The following MARCHF1 variants were observed in gnomAD, a reference collection of about 807,000 sequenced individuals.
The protein encoded by MARCHF1 is membrane associated ring-CH-type finger 1, also known as E3 ubiquitin-protein ligase MARCHF1.
A neutral mutation model predicts 54.2 loss-of-function variants in MARCHF1; 40 were observed. The observed-to-expected ratio is 0.74, with a 90% CI of 0.57 to 0.96. The LOEUF (loss-of-function observed/expected upper bound fraction) is 0.96. MARCHF1 is among the 40% of genes least tolerant of loss of function. The pLI is 0.00. For synonymous variants in MARCHF1, 236 were observed against 236.3 expected, an observed-to-expected ratio of 1.00 and a Z score of 0.01; for missense variants, 586 against 656.5, an observed-to-expected ratio of 0.89 and a Z score of 1.17.
At chr4:163,897,551 C>T (rs1750838630) in intron 3 of MARCHF1, among the ~76,000 whole-genome samples, 1 of 151,924 alleles carries the variant, frequency 6.6e-6, no homozygotes, top group Non-Finnish European at 1.5e-5. Context: ...AATAGAGAAC[C>T]TAGAAATAAA....
At chr4:164,075,102 C>G (rs993070497) in intron 2 of MARCHF1, among the ~76,000 whole-genome samples, 1 of 152,042 alleles carries the variant, frequency 6.6e-6, no homozygotes, top group Non-Finnish European at 1.5e-5. Flanking sequence ...AAAGCAGCCT[C>G]TGTTATCTCA....
intron 3 of MARCHF1, among the ~76,000 whole-genome samples, chr4:163,860,855 A>G (rs1211467430): frequency 6.6e-6 from 1 of 152,152 alleles, no homozygotes; most frequent in Non-Finnish European, 1.5e-5. Context: ...CCGGAATAAC[A>G]CAGAAACTCC....
At chr4:164,248,211 A>G (rs1471324667) in intron 1 of MARCHF1, among the ~76,000 whole-genome samples, 1 of 152,018 alleles carries the variant, frequency 6.6e-6, no homozygotes, top group Non-Finnish European at 1.5e-5. Flanking sequence ...TTAGTGACCA[A>G]TATTCTCGAG....
rs1743574822 is a variant in MARCHF1 at position 163,667,333 on chromosome 4, C to G, written c.162+33480G>C. Among the ~76,000 whole-genome samples, 4 of 152,084 alleles carry G rather than the reference C, an allele frequency of 2.6e-5. 1 individual carries two copies. The South Asian group carries it at 8.3e-4, about 32-fold the overall frequency. The stretch of plus-strand genomic sequence containing the variant: ...ACCCACCAACAAGTGAAAAGCACCA[C>G]ATTTTTAAATCACTAACTACATTTG... On this transcript the variant is annotated intron_variant, in intron 5 of 9. Transcript: ENST00000514618.
intron 2 of MARCHF1, among the ~76,000 whole-genome samples, chr4:163,989,844 T>A (rs865878980): frequency 1.2e-4 from 19 of 152,204 alleles, no homozygotes; most frequent in African/African-American, 4.3e-4. Flanking sequence ...TCTCCCACTG[T>A]TTTTTGTGTT....
intron 2 of MARCHF1, among the ~76,000 whole-genome samples, chr4:164,052,384 T>C (rs890224954): frequency 6.6e-6 from 1 of 151,944 alleles, no homozygotes; most frequent in African/African-American, 2.4e-5. Flanking sequence ...ATACAAAAAT[T>C]AGCTGGGCGT....
intron 2 of MARCHF1, among the ~76,000 whole-genome samples, chr4:164,104,106 A>T (rs1175617309): frequency 2.0e-5 from 3 of 150,416 alleles, no homozygotes; most frequent in Admixed American, 1.3e-4. Flanking sequence ...CAGGAGCTGA[A>T]ATTGTGGCAA....
chr4:163,916,492 A>T (rs1751310893), intron 3 of MARCHF1, among the ~76,000 whole-genome samples: 1 of 99,162 alleles, frequency 1.0e-5, no homozygotes, highest in African/African-American at 6.0e-5. Context: ...AAGGATTAAG[A>T]GAAAAGGTGA....
chr4:163,768,483 TG>T (rs1456117650), intron 4 of MARCHF1, among the ~76,000 whole-genome samples: 1 of 152,194 alleles, frequency 6.6e-6, no homozygotes, highest in Non-Finnish European at 1.5e-5. Flanking sequence ...CATTTTGGCA[TG>T]GGGAAAAACA....
chr4:163,585,742 AC>A lies in MARCHF1; in HGVS notation c.1191+6del. On this transcript the variant is annotated splice_donor_region_variant and intron_variant, in intron 8 of 9. Transcript: ENST00000514618. ...CCCTCCCAAACCAATTCCTATGGATACTGTACCTTCCGGAGGGGTTTGAGCT... is the reference window on the plus strand; with the variant it reads ...CCCTCCCAAACCAATTCCTATGGATATGTACCTTCCGGAGGGGTTTGAGCT... 1.9e-6 allele frequency: 3 copies of A among 1,577,714 alleles called. No individual in the cohort carries two copies. The highest frequency in any genetic ancestry group is 2.6e-6 in the Non-Finnish European group (3 of 1,160,230).
chr4:163,640,526 C>G (rs878919388), intron 5 of MARCHF1, among the ~76,000 whole-genome samples: 23 of 152,216 alleles, frequency 1.5e-4, no homozygotes, highest in Admixed American at 1.4e-3. Flanking sequence ...TATAAAAGGA[C>G]AGTTAAGATA....
In MARCHF1 at chr4:163,528,713, A is replaced by C. The variant is rs370039236; in HGVS notation, c.*35T>G. 2 of 1,570,670 alleles carry C rather than the reference A, an allele frequency of 1.3e-6. No individual in the cohort carries two copies. Among genetic ancestry groups the C allele is most frequent in the Non-Finnish European group, 8.6e-7 (1 of 1,156,592 alleles). ...TTTGTAGTGGCTGAGGGCTAGAAAG[A>C]TATTCTTCGGTGAAGAAACTCCCAA... On this transcript the variant is annotated 3_prime_UTR_variant, in exon 10 of 10. Coordinates refer to ENST00000514618, the MANE Select transcript of MARCHF1 (RefSeq NM_001394959.1).
At chr4:164,178,642 T>C (rs1270620665) in intron 1 of MARCHF1, among the ~76,000 whole-genome samples, 1 of 152,202 alleles carries the variant, frequency 6.6e-6, no homozygotes, top group Non-Finnish European at 1.5e-5. Context: ...GTTTGGTATA[T>C]GAATACTTAA....
intron 1 of MARCHF1, among the ~76,000 whole-genome samples, chr4:164,172,985 A>AG: frequency 6.6e-6 from 1 of 152,082 alleles, no homozygotes; most frequent in Middle Eastern, 3.4e-3. Flanking sequence ...CGTCTCAAAA[A>AG]AAAAAAAAAA....
At chr4:163,862,462 A>T (rs564334540) in intron 3 of MARCHF1, among the ~76,000 whole-genome samples, 11 of 152,234 alleles carry the variant, frequency 7.2e-5, no homozygotes, top group Admixed American at 3.3e-4. Flanking sequence ...AAGATGCTCA[A>T]CATTATATGT....
intron 2 of MARCHF1, among the ~76,000 whole-genome samples, chr4:164,002,502 T>C (rs959872200): frequency 2.0e-5 from 3 of 150,272 alleles, no homozygotes; most frequent in African/African-American, 5.0e-5. Flanking sequence ...AACATAGCAA[T>C]AGATAATGTC....
intron 3 of MARCHF1, among the ~76,000 whole-genome samples, chr4:163,887,308 G>C (rs1351418838): frequency 6.6e-6 from 1 of 152,016 alleles, no homozygotes; most frequent in Non-Finnish European, 1.5e-5. Context: ...TTGAAATCTA[G>C]AATGAGATGG....
At chr4:163,774,925 A>G (rs2110882108) in intron 4 of MARCHF1, among the ~76,000 whole-genome samples, 1 of 152,280 alleles carries the variant, frequency 6.6e-6, no homozygotes, top group African/African-American at 2.4e-5. Context: ...ATCCAGTAGG[A>G]GATTTTCATT....
intron 4 of MARCHF1, among the ~76,000 whole-genome samples, chr4:163,701,415 A>C (rs1438450067): frequency 1.3e-5 from 2 of 152,180 alleles, no homozygotes; most frequent in African/African-American, 4.8e-5. Flanking sequence ...TAAAACTTAA[A>C]ACTTTTATAA....
Sources: allele counts gnomAD v4.1 joint callset (sites outside exome capture counted in the v4.1 genomes callset), GRCh38; gene constraint gnomAD v4.1.1; transcripts MANE v1.5; gene names NCBI Gene and HGNC (gene_info 2026-07-23, HGNC 2026-07-21).